Variants in XPOT observed in about 807,000 individuals in gnomAD.
XPOT encodes the protein exportin-T.
A neutral mutation model predicts 128.2 loss-of-function variants in XPOT; 34 were observed. The ratio of observed to expected loss-of-function variants is 0.27; its 90% CI spans 0.20 to 0.35. The LOEUF is 0.35. Ranked by LOEUF, XPOT falls within the 10% of genes least tolerant of loss-of-function variation. The probability of loss-of-function intolerance (pLI) is 1.00; values close to 1 mark genes in which losing one functional copy is unlikely to be tolerated. For synonymous variants in XPOT, 348 were observed against 394.3 expected, an observed-to-expected ratio of 0.88 and a Z score of 1.39; for missense variants, 838 against 1,125.3, an observed-to-expected ratio of 0.74 and a Z score of 3.65.
At chr12:64,434,287 C>T (rs775554064) in intron 19 of XPOT, among the ~76,000 whole-genome samples, 12 of 152,186 alleles carry the variant, frequency 7.9e-5, no homozygotes, top group Non-Finnish European at 1.5e-4. Flanking sequence ...GGAGCCACCG[C>T]GCCCAGCTGA....
intron 2 of XPOT, among the ~76,000 whole-genome samples, chr12:64,412,060 G>C (rs1219484181): frequency 2.5e-5 from 3 of 121,824 alleles, no homozygotes; most frequent in Non-Finnish European, 4.7e-5. Context: ...GTCTCACTCT[G>C]TTGCCCAGCC....
chr12:64,439,415 T>G, intron 23 of XPOT, 100 bp downstream of exon 23: 1 of 1,095,896 alleles, frequency 9.1e-7, no homozygotes, highest in Non-Finnish European at 1.3e-6. Flanking sequence ...ATTTTCATAT[T>G]ACATAAGTTG....
At chr12:64,416,872 T>C in intron 4 of XPOT, 118 bp downstream of exon 4, 1 of 912,912 alleles carries the variant, frequency 1.1e-6, no homozygotes, top group Admixed American at 2.3e-5. Flanking sequence ...GTGTATATGT[T>C]ATATCCAGGT....
At chr12:64,429,740 C>CT (rs1456304586) in intron 16 of XPOT, among the ~76,000 whole-genome samples, 1 of 152,194 alleles carries the variant, frequency 6.6e-6, no homozygotes, top group Non-Finnish European at 1.5e-5. Flanking sequence ...CACATGCAGC[C>CT]TAGCCTCATA....
rs1323561220 is a variant in XPOT, at chr12:64,407,358, C to T, written c.-75+2554C>T. Among the ~76,000 whole-genome samples the T allele has an allele frequency of 3.3e-5, 5 of 151,992 alleles. No individual in the cohort carries two copies. In the East Asian group the frequency reaches 7.7e-4, roughly 24 times the overall value. Reference sequence around the variant, plus strand: ...AAAATTAGCCGGGTGTGGTGGCTCACCCCTGTAATCTCAGCTATTTGGGAG... The same window carrying T: ...AAAATTAGCCGGGTGTGGTGGCTCATCCCTGTAATCTCAGCTATTTGGGAG... On this transcript the variant is annotated intron_variant, in intron 1 of 24. Transcript: ENST00000332707.
chr12:64,445,076 A>G lies in XPOT; in HGVS notation c.2807A>G (p.Glu936Gly), dbSNP rs754070822. 6.2e-7 allele frequency: 1 copy of G among 1,608,520 alleles called. No homozygotes were observed. The highest frequency in any genetic ancestry group is 8.5e-7 in the Non-Finnish European group (1 of 1,177,332). The change falls in exon 24 of 25, where the codon GAG (glutamate) becomes GGG (glycine). Residue 936 changes from glutamate (E) to glycine (G), a missense_variant and splice_region_variant. Glu to Gly is a moderately conservative substitution (Grantham distance 98). This residue lies in a region of XPOT where 56 missense variants were observed against 79.2 expected (regional missense o/e 0.71). Transcript: ENST00000332707. ...SLQVAPEIIQ[E>G]FCQALQQPDA... ...CTCCCTCTTTTCCCCACCCCCCAGG[A>G]GTTTTGTCAAGCGCTTCAGCAGCCT...
At chr12:64,425,002 A>G (rs1208127980) in intron 12 of XPOT, 36 bp from the exon 13 acceptor site, 8 of 1,609,318 alleles carry the variant, frequency 5.0e-6, no homozygotes, top group Admixed American at 3.3e-5. Context: ...TGAAAAATTT[A>G]TCTTTAAATC....
At chr12:64,417,124 C>T (rs1158598147) in intron 4 of XPOT, among the ~76,000 whole-genome samples, 2 of 152,070 alleles carry the variant, frequency 1.3e-5, no homozygotes, top group South Asian at 2.1e-4. Context: ...GACTGAGGCA[C>T]GAGAATTGCT....
chr12:64,447,905 A>T (rs2040378519), intron 24 of XPOT, among the ~76,000 whole-genome samples, 200 bp from the exon 25 acceptor site: 1 of 152,202 alleles, frequency 6.6e-6, no homozygotes, highest in Non-Finnish European at 1.5e-5. Context: ...GGGTGATGTC[A>T]GCATAAGTTA....
chr12:64,439,508 C>T (rs1406937002), intron 23 of XPOT, among the ~76,000 whole-genome samples, 193 bp downstream of exon 23: 1 of 152,178 alleles, frequency 6.6e-6, no homozygotes, highest in Non-Finnish European at 1.5e-5. Context: ...CACCTTGTTA[C>T]CCAACAAGTT....
In XPOT at chr12:64,425,155, T is replaced by C; in HGVS notation, c.1425T>C (p.Ala475=). 1 of 1,614,110 alleles carries C rather than the reference T, an allele frequency of 6.2e-7. No individual in the cohort carries two copies. Among genetic ancestry groups the C allele is most frequent in the Non-Finnish European group, 8.5e-7 (1 of 1,179,994 alleles). The part of the protein sequence containing the change: ...GAHFSGDVSK[A]SALQDMMRTL... ...ACTTCTCAGGTGATGTTTCAAAAGC[T>C]AGTGCTTTGCAGGATATGATGCGAA... Residue 475 remains alanine (A), a synonymous_variant, in exon 13 of 25, where the codon GCT becomes GCC. Coordinates refer to ENST00000332707, the MANE Select transcript of XPOT (RefSeq NM_007235.6).
At chr12:64,432,981 C>T (rs2040251529) in intron 18 of XPOT, among the ~76,000 whole-genome samples, 1 of 151,766 alleles carries the variant, frequency 6.6e-6, no homozygotes, top group Admixed American at 6.6e-5. Context: ...GCTGTGTTGC[C>T]CAGGCTGGAG....
At chr12:64,406,789 G>A (rs2039987491) in intron 1 of XPOT, among the ~76,000 whole-genome samples, 1 of 152,150 alleles carries the variant, frequency 6.6e-6, no homozygotes, top group Non-Finnish European at 1.5e-5. Flanking sequence ...TTTTTCAGGG[G>A]AATGGACATC....
chr12:64,433,877 C>T (rs367833978), intron 19 of XPOT, among the ~76,000 whole-genome samples: 45 of 152,066 alleles, frequency 3.0e-4, no homozygotes, highest in African/African-American at 1.1e-3. Context: ...ATTGACCTGA[C>T]AATTGAGTCT....
At chr12:64,415,015 C>A (rs375213242) in intron 3 of XPOT, 26 bp downstream of exon 3, 4 of 1,428,430 alleles carry the variant, frequency 2.8e-6, no homozygotes, top group African/African-American at 1.4e-5. Flanking sequence ...ATTTGCATGA[C>A]AATTTAAATT....
intron 16 of XPOT, 118 bp from the exon 17 acceptor site, chr12:64,429,931 G>A: frequency 3.3e-6 from 3 of 918,950 alleles, no homozygotes; most frequent in Non-Finnish European, 1.6e-6. Flanking sequence ...GTCTTTATAA[G>A]TATTTGACAT....
chr12:64,435,944 T>A (rs1055779428), intron 22 of XPOT, among the ~76,000 whole-genome samples: 5 of 152,048 alleles, frequency 3.3e-5, no homozygotes, highest in Admixed American at 2.0e-4. Context: ...CCAGATTTTT[T>A]ATTTTATTTT....
intron 21 of XPOT, among the ~76,000 whole-genome samples, chr12:64,435,359 AC>A (rs1378430722): frequency 6.6e-6 from 1 of 152,186 alleles, no homozygotes; most frequent in African/African-American, 2.4e-5. Flanking sequence ...TCACTTTCCC[AC>A]AACCTGGTAA....
In XPOT at chr12:64,428,122, T is replaced by C. The variant is rs1386436734; in HGVS notation, c.1737+2T>C. The stretch of plus-strand genomic sequence containing the variant: ...GATTTATTAGAGCTTTCTCCACCTG[T>C]AAGTATCTGTCTCTTTAAGATATTT... On this transcript the variant is annotated splice_donor_variant, in intron 16 of 24. Coordinates refer to ENST00000332707, the MANE Select transcript of XPOT (RefSeq NM_007235.6). LOFTEE classifies it high-confidence loss of function. 1.3e-6 allele frequency: 2 copies of C among 1,528,878 alleles called. No homozygotes were observed. The highest frequency in any genetic ancestry group is 1.8e-6 in the Non-Finnish European group (2 of 1,105,652). The allele number at this position is 1,528,878 out of a possible 1,614,324, so 94.7% of individuals were successfully genotyped here.
Sources: allele counts gnomAD v4.1 joint callset (sites outside exome capture counted in the v4.1 genomes callset), GRCh38; gene constraint gnomAD v4.1.1; regional missense constraint gnomAD v4.1.1; transcripts MANE v1.5; gene names NCBI Gene and HGNC (gene_info 2026-07-23, HGNC 2026-07-21).